PPFIA2: variants seen among roughly 807,000 people sequenced by gnomAD.
The protein encoded by PPFIA2 is PPFI scaffold protein A2, also known as liprin-alpha-2.
In PPFIA2, 46 loss-of-function variants were observed where a neutral mutation model predicts 175.5. The ratio of observed to expected loss-of-function variants is 0.26; its 90% CI spans 0.21 to 0.34. The LOEUF is 0.34. Ranked by LOEUF, PPFIA2 falls within the 10% of genes least tolerant of loss-of-function variation. The pLI, the probability that PPFIA2 is intolerant of heterozygous loss-of-function variation, is 1.00. For missense variants in PPFIA2, 1,179 were observed against 1,506.1 expected (o/e 0.78, Z 3.60); for synonymous variants, 568 against 511.4 (o/e 1.11, Z -1.49).
At chr12:81,289,929 G>T (rs1033925887) in intron 24 of PPFIA2, among the ~76,000 whole-genome samples, 2 of 151,704 alleles carry the variant, frequency 1.3e-5, no homozygotes, top group African/African-American at 4.8e-5. Context: ...GTAGCTTGGA[G>T]AAAAGAAACA....
Position 81,268,077 on chromosome 12 carries a change from C to A in PPFIA2, c.3321G>T (p.Val1107=). ...AGCGAATAACTCGGTCATTGCTCCA[C>A]ACCAACACGTCTAGGAAAAGAGATG... ...ASQHEIKDVL[V]WSNDRVIRWI... Residue 1107 remains valine (V), a synonymous_variant, in exon 29 of 33, where the codon GTG becomes GTT. Transcript: ENST00000549396. 1 of 1,591,088 alleles carries A rather than the reference C, an allele frequency of 6.3e-7. No homozygotes were observed. Among genetic ancestry groups the A allele is most frequent in the Non-Finnish European group, 8.6e-7 (1 of 1,167,360 alleles).
rs761289986 is a variant in PPFIA2, at chr12:81,457,750, CTGCT to C, written c.405+11_405+14del. On this transcript the variant is annotated intron_variant, in intron 5 of 32. Coordinates refer to ENST00000549396, the MANE Select transcript of PPFIA2 (RefSeq NM_003625.5). ...ACAAATAGAATTAATTCCAAAAAGG[CTGCT>C]TTACACTTACTCTTGTGTTGTTTCT... The C allele has an allele frequency of 4.0e-5, 60 of 1,514,134 alleles. No homozygotes were observed. The highest frequency in any genetic ancestry group is 5.2e-5 in the Non-Finnish European group (58 of 1,109,922). The allele number at this position is 1,514,134 out of a possible 1,614,324, so 93.8% of individuals were successfully genotyped here.
rs909274748 is a variant in PPFIA2 at position 81,420,992 on chromosome 12, G to A, written c.646-15089C>T. On this transcript the variant is annotated intron_variant, in intron 7 of 32. Transcript: ENST00000549396. Reference sequence around the variant, plus strand: ...AGATTTCTCAGCAGAAACATTGCAGGCCAAGAGACAGTGGGATGATATATT... The same window carrying A: ...AGATTTCTCAGCAGAAACATTGCAGACCAAGAGACAGTGGGATGATATATT... 7.9e-5 allele frequency among the ~76,000 whole-genome samples: 12 copies of A among 152,190 alleles called. 1 individual carries two copies. In the East Asian group the frequency reaches 2.3e-3, roughly 29 times the overall value.
intron 22 of PPFIA2, among the ~76,000 whole-genome samples, chr12:81,308,427 C>T (rs983048040): frequency 3.3e-5 from 5 of 152,154 alleles, no homozygotes; most frequent in Non-Finnish European, 5.9e-5. Flanking sequence ...CAGTTGGAGT[C>T]ATGGAACCGT....
intron 4 of PPFIA2, among the ~76,000 whole-genome samples, chr12:81,464,128 G>C (rs2055151656): frequency 6.6e-6 from 1 of 152,026 alleles, no homozygotes; most frequent in Non-Finnish European, 1.5e-5. Context: ...ATGTTGTCCA[G>C]CTTATCTCAA....
intron 4 of PPFIA2, among the ~76,000 whole-genome samples, chr12:81,469,472 G>A (rs545252903): frequency 6.6e-6 from 1 of 152,220 alleles, no homozygotes; most frequent in Non-Finnish European, 1.5e-5. Flanking sequence ...GGGTATGTGC[G>A]TGAAGGGGGC....
At chr12:81,263,443 T>A in intron 30 of PPFIA2, 53 bp from the exon 31 acceptor site, 1 of 1,490,630 alleles carries the variant, frequency 6.7e-7, no homozygotes, top group Non-Finnish European at 9.3e-7. Context: ...CTAGTCCATG[T>A]GCTTAAAGCT....
At chr12:81,363,633 TCAC>T (rs1272911771) in intron 14 of PPFIA2, among the ~76,000 whole-genome samples, 4 of 151,796 alleles carry the variant, frequency 2.6e-5, no homozygotes, top group South Asian at 4.1e-4. Flanking sequence ...CAAACTTTTC[TCAC>T]CACATTTTTT....
chr12:81,402,186 A>C (rs2042197355), intron 8 of PPFIA2, among the ~76,000 whole-genome samples: 1 of 152,148 alleles, frequency 6.6e-6, no homozygotes, highest in Non-Finnish European at 1.5e-5. Context: ...TTTAGAAGTC[A>C]CTTTCTTAGT....
rs73348358 is a variant in PPFIA2, at chr12:81,729,790, A to G, written c.249+24183T>C. Among the ~76,000 whole-genome samples, 388 of 151,626 alleles carry G rather than the reference A, an allele frequency of 2.6e-3. 1 individual carries two copies. The highest frequency in any genetic ancestry group is 8.9e-3 in the African/African-American group (369 of 41,458). On this transcript the variant is annotated intron_variant, in intron 3 of 32. Coordinates refer to ENST00000549396, the MANE Select transcript of PPFIA2 (RefSeq NM_003625.5). Reference sequence around the variant, plus strand: ...AGCAAGGGAAGGAACTGATCAGACCATTGTTGGTTTGAAGACAGATGGGGA... The same window carrying G: ...AGCAAGGGAAGGAACTGATCAGACCGTTGTTGGTTTGAAGACAGATGGGGA...
rs558125190 is a variant in PPFIA2 at position 81,369,286 on chromosome 12, C to T, written c.1267-92G>A. ...TTGAAATAAAATGTAAAGCAAGCTA[C>T]TACCAACTGCAAACATAGTTTTTAA... On this transcript the variant is annotated intron_variant, in intron 11 of 32. Coordinates refer to ENST00000549396, the MANE Select transcript of PPFIA2 (RefSeq NM_003625.5). The T allele has an allele frequency of 3.0e-5, 47 of 1,541,344 alleles. 1 individual carries two copies. In the South Asian group the frequency reaches 5.0e-4, roughly 16 times the overall value.
intron 24 of PPFIA2, among the ~76,000 whole-genome samples, chr12:81,291,575 G>T (rs1408526451): frequency 6.6e-6 from 1 of 151,910 alleles, no homozygotes; most frequent in Non-Finnish European, 1.5e-5. Context: ...TCTAAAATTT[G>T]CCAGGCACTA....
At chr12:81,538,819 T>C (rs2065789641) in intron 4 of PPFIA2, among the ~76,000 whole-genome samples, 1 of 151,832 alleles carries the variant, frequency 6.6e-6, no homozygotes, top group African/African-American at 2.4e-5. Flanking sequence ...AATGTTGGCT[T>C]CCATCTGGAG....
intron 5 of PPFIA2, among the ~76,000 whole-genome samples, chr12:81,449,352 G>T (rs1408777341): frequency 6.6e-6 from 1 of 152,014 alleles, no homozygotes; most frequent in East Asian, 1.9e-4. Context: ...TAAAGAGGAG[G>T]CAGTTTTTCC....
At chr12:81,333,043 G>A (rs1267401209) in intron 21 of PPFIA2, among the ~76,000 whole-genome samples, 1 of 152,134 alleles carries the variant, frequency 6.6e-6, no homozygotes, top group African/African-American at 2.4e-5. Context: ...AGTATTCCTA[G>A]GGTTGAAGTA....
rs368102997 is a variant in PPFIA2, at chr12:81,344,636, G to A, written c.2262+28C>T. ...CATAGAATAAAACAGTATTCAATTC[G>A]TAATGATGTAAAAGTTATTTACTGT... is the stretch of plus-strand genomic sequence containing the variant. On this transcript the variant is annotated intron_variant, in intron 19 of 32. Transcript: ENST00000549396. 198 of 1,487,280 alleles carry A rather than the reference G, an allele frequency of 1.3e-4. 1 individual carries two copies. The African/African-American group carries it at 1.4e-3, about 11-fold the overall frequency. The allele number at this position is 1,487,280 out of a possible 1,614,324, so 92.1% of individuals were successfully genotyped here.
chr12:81,658,654 T>C (rs1475468179), intron 4 of PPFIA2, among the ~76,000 whole-genome samples: 1 of 151,986 alleles, frequency 6.6e-6, no homozygotes, highest in East Asian at 1.9e-4. Context: ...AATATACGTA[T>C]ATATGTGTGT....
At chr12:81,610,420 T>A (rs899903726) in intron 4 of PPFIA2, among the ~76,000 whole-genome samples, 1 of 152,210 alleles carries the variant, frequency 6.6e-6, no homozygotes, top group Admixed American at 6.5e-5. Flanking sequence ...CCATATTTCA[T>A]AGAGGTTTTG....
rs61756412 is a variant in PPFIA2 at position 81,281,313 on chromosome 12, A to G, written c.3156T>C (p.Asp1052=). 561 of 1,611,286 alleles carry G rather than the reference A, an allele frequency of 3.5e-4. No homozygotes were observed. The highest frequency in any genetic ancestry group is 4.3e-4 in the Non-Finnish European group (505 of 1,178,294). Residue 1052 remains aspartate (D), a synonymous_variant, in exon 27 of 33, where the codon GAT becomes GAC. Transcript: ENST00000549396. ...MECLVDARML[D]HLTKKDLRVH... ...CACGGAGATCTTTTTTTGTTAGGTG[A>G]TCTAACATTCTTGCATCTACCAAGC...
Sources: allele counts gnomAD v4.1 joint callset (sites outside exome capture counted in the v4.1 genomes callset), GRCh38; gene constraint gnomAD v4.1.1; transcripts MANE v1.5; gene names NCBI Gene and HGNC (gene_info 2026-07-23, HGNC 2026-07-21).